TSPO: variants seen among roughly 807,000 people sequenced by gnomAD.
TSPO encodes benzodiazepine peripheral binding site.
TSPO carries 14 observed loss-of-function variants against 13.9 expected under a neutral mutation model. The ratio of observed to expected loss-of-function variants is 1.01; its 90% CI spans 0.67 to 1.58. The LOEUF (loss-of-function observed/expected upper bound fraction) is 1.58. TSPO is among the 40% of genes most tolerant of loss of function. The pLI is 0.00. For missense variants in TSPO, 232 were observed against 229.6 expected, an observed-to-expected ratio of 1.01 and a Z score of -0.07; for synonymous variants, 114 against 105.9, an observed-to-expected ratio of 1.08 and a Z score of -0.47.
chr22:43,163,194 C>T lies in TSPO; in HGVS notation c.*203C>T. 2 of 1,396,688 alleles carry T rather than the reference C, an allele frequency of 1.4e-6. No homozygotes were observed. Among genetic ancestry groups the T allele is most frequent in the Non-Finnish European group, 1.9e-6 (2 of 1,066,558 alleles). 86.5% of individuals were successfully genotyped at this position (1,396,688 alleles called of 1,614,324 possible). On this transcript the variant is annotated 3_prime_UTR_variant, in exon 4 of 4. Transcript: ENST00000337554. Reference sequence around the variant, plus strand: ...GCTTTCTGCATGCTTAGAGCATGTTCTTGGAACATGGAATTTTATAAGCTG... The same window carrying T: ...GCTTTCTGCATGCTTAGAGCATGTTTTTGGAACATGGAATTTTATAAGCTG...
At chr22:43,157,152 C>T (rs1483190556) in intron 1 of TSPO, among the ~76,000 whole-genome samples, 3 of 151,968 alleles carry the variant, frequency 2.0e-5, no homozygotes, top group South Asian at 2.1e-4. Flanking sequence ...ATCCACTTGG[C>T]GGTGGTGCAG....
In TSPO at chr22:43,159,265, GGGCTTCACGCTGGCGCCCAGCCTGGGGT is replaced by G; in HGVS notation, c.29_56del (p.Gly10AlafsTer73). On this transcript the variant is annotated frameshift_variant, in exon 2 of 4. Coordinates refer to ENST00000337554, the MANE Select transcript of TSPO (RefSeq NM_000714.6). LOFTEE classifies it high-confidence loss of function. ...TGGCCCCGCCCTGGGTGCCCGCCAT[GGGCTTCACGCTGGCGCCCAGCCTGGGGT>G]GCTTCGTGGGCTCCCGCTTTGTCCA... is the stretch of plus-strand genomic sequence containing the variant. 1 of 1,560,348 alleles carries G rather than the reference GGGCTTCACGCTGGCGCCCAGCCTGGGGT, an allele frequency of 6.4e-7. No individual in the cohort carries two copies. The highest frequency in any genetic ancestry group is 1.2e-5 in the South Asian group (1 of 84,598).
intron 2 of TSPO, 136 bp from the exon 3 acceptor site, chr22:43,160,916 C>A: frequency 9.4e-7 from 1 of 1,068,846 alleles, no homozygotes. Context: ...AAGGCCCAGA[C>A]AGGTCAAGCA....
At position 43,163,191 on chromosome 22, in the gene TSPO, G is replaced by A. The variant is rs908464434; in HGVS notation, c.*200G>A. 108 of 1,406,128 alleles carry A rather than the reference G, an allele frequency of 7.7e-5. 1 individual carries two copies. Among genetic ancestry groups the A allele is most frequent in the African/African-American group, 8.7e-5 (6 of 69,062 alleles). The allele number at this position is 1,406,128 out of a possible 1,614,324, so 87.1% of individuals were successfully genotyped here. ...TGTGCTTTCTGCATGCTTAGAGCAT[G>A]TTCTTGGAACATGGAATTTTATAAG... On this transcript the variant is annotated 3_prime_UTR_variant, in exon 4 of 4. Coordinates refer to ENST00000337554, the MANE Select transcript of TSPO (RefSeq NM_000714.6).
chr22:43,161,940 G>A (rs181387336), intron 3 of TSPO, among the ~76,000 whole-genome samples: 9 of 151,178 alleles, frequency 6.0e-5, no homozygotes, highest in Admixed American at 3.3e-4. Flanking sequence ...TCCAGGTCAC[G>A]TCACTGTGCC....
intron 1 of TSPO, among the ~76,000 whole-genome samples, chr22:43,153,050 CTTCT>C (rs1295027837): frequency 4.0e-5 from 6 of 151,474 alleles, no homozygotes; most frequent in African/African-American, 9.7e-5. Flanking sequence ...CTTCCCACCC[CTTCT>C]TTCTCTTTCT....
chr22:43,151,844 G>A (rs992102160), intron 1 of TSPO: 6 of 152,382 alleles, frequency 3.9e-5, no homozygotes, highest in African/African-American at 1.4e-4. Flanking sequence ...GGGTTCGGGA[G>A]GGAAAACTTG....
At chr22:43,155,062 T>C (rs1328367089) in intron 1 of TSPO, among the ~76,000 whole-genome samples, 7 of 151,064 alleles carry the variant, frequency 4.6e-5, no homozygotes, top group African/African-American at 1.7e-4. Flanking sequence ...GTGACACAAC[T>C]CCTGGCAAGT....
intron 1 of TSPO, among the ~76,000 whole-genome samples, chr22:43,154,647 C>T (rs910675617): frequency 2.6e-5 from 4 of 152,144 alleles, no homozygotes; most frequent in East Asian, 3.9e-4. Context: ...TGTGAGCCAC[C>T]GTTCCTGGCC....
At chr22:43,153,347 T>C (rs1179900163) in intron 1 of TSPO, among the ~76,000 whole-genome samples, 1 of 26,678 alleles carries the variant, frequency 3.7e-5, no homozygotes, top group Non-Finnish European at 9.3e-5. Flanking sequence ...TTTTTTTTTT[T>C]TTTTTTTTTT....
chr22:43,158,676 G>T (rs551678342), intron 1 of TSPO, among the ~76,000 whole-genome samples: 1 of 152,318 alleles, frequency 6.6e-6, no homozygotes, highest in South Asian at 2.1e-4. Flanking sequence ...TGTGCTCAAG[G>T]TAGGTGAGCA....
At chr22:43,155,482 T>C (rs931545591) in intron 1 of TSPO, among the ~76,000 whole-genome samples, 4 of 152,172 alleles carry the variant, frequency 2.6e-5, no homozygotes, top group African/African-American at 9.7e-5. Flanking sequence ...ACCTGTGGAG[T>C]GTCCAGGGGC....
rs555751218 is a variant in TSPO, at chr22:43,160,194, AG to A, written c.182+777del. Among the ~76,000 whole-genome samples the A allele has an allele frequency of 8.9e-4, 135 of 152,154 alleles. 1 individual carries two copies. Among genetic ancestry groups the A allele is most frequent in the African/African-American group, 3.2e-3 (133 of 41,536 alleles). ...CTCCTGGCCCAGGCCCTGCCCAGCC[AG>A]GGTCCTGCACTTCCCTGGCTCCAGT... is the stretch of plus-strand genomic sequence containing the variant. On this transcript the variant is annotated intron_variant, in intron 2 of 3. Transcript: ENST00000337554.
At chr22:43,154,116 C>T (rs1009564202) in intron 1 of TSPO, among the ~76,000 whole-genome samples, 6 of 152,298 alleles carry the variant, frequency 3.9e-5, no homozygotes, top group Admixed American at 1.3e-4. Flanking sequence ...TTTTTCCAGA[C>T]CTGTGGGCTG....
chr22:43,153,594 AC>A (rs1931160014), intron 1 of TSPO, among the ~76,000 whole-genome samples: 1 of 27,242 alleles, frequency 3.7e-5, no homozygotes, highest in African/African-American at 1.0e-4. Context: ...CTCATGATCC[AC>A]CCGCCTCGGC....
Position 43,163,049 on chromosome 22 carries a change from T to C in TSPO, c.*58T>C. On this transcript the variant is annotated 3_prime_UTR_variant, in exon 4 of 4. Transcript: ENST00000337554. Reference sequence around the variant, plus strand: ...AGCAGGTGCCATCACGCTTGTGATGTGGTGGCCGTCACGCTTTCATGACCA... The same window carrying C: ...AGCAGGTGCCATCACGCTTGTGATGCGGTGGCCGTCACGCTTTCATGACCA... The C allele has an allele frequency of 4.5e-6, 7 of 1,565,560 alleles. No homozygotes were observed. Among genetic ancestry groups the C allele is most frequent in the Non-Finnish European group, 6.1e-6 (7 of 1,155,544 alleles).
Position 43,160,686 on chromosome 22 carries a change from A to G in TSPO, c.183-366A>G, listed in dbSNP as rs572860883. 6.6e-5 allele frequency among the ~76,000 whole-genome samples: 10 copies of G among 152,134 alleles called. No individual in the cohort carries two copies. In the East Asian group the frequency reaches 9.7e-4, roughly 15 times the overall value. On this transcript the variant is annotated intron_variant, in intron 2 of 3. Transcript: ENST00000337554. ...CTGTTTCCTCCCCTGGAAAACTCCT[A>G]TTCATCATTTAAGGCCCAGGCCAAA...
intron 3 of TSPO, 99 bp from the exon 4 acceptor site, chr22:43,162,704 C>G: frequency 7.9e-7 from 1 of 1,269,668 alleles, no homozygotes; most frequent in African/African-American, 1.5e-5. Context: ...GAGTGAGGCT[C>G]CTGACTCCCA....
intron 1 of TSPO, among the ~76,000 whole-genome samples, chr22:43,152,785 C>T (rs1403409802): frequency 6.6e-6 from 1 of 152,240 alleles, no homozygotes; most frequent in African/African-American, 2.4e-5. Flanking sequence ...TGATCCCAGC[C>T]TGCCTTCTCC....
Sources: allele counts gnomAD v4.1 joint callset (sites outside exome capture counted in the v4.1 genomes callset), GRCh38; gene constraint gnomAD v4.1.1; transcripts MANE v1.5; gene names NCBI Gene and HGNC (gene_info 2026-07-23, HGNC 2026-07-21).